The following NRXN3 variants were observed in gnomAD, a reference collection of about 807,000 sequenced individuals.
The protein encoded by NRXN3 is neurexin 3, also known as neurexin III.
Under a neutral mutation model 137.6 loss-of-function variants are expected in NRXN3, and 32 were observed. The observed-to-expected ratio is 0.23, with a 90% CI of 0.18 to 0.31. The LOEUF is 0.31. NRXN3 is among the 10% of genes least tolerant of loss of function. The pLI is 1.00. For synonymous variants in NRXN3, 798 were observed against 784.5 expected, an observed-to-expected ratio of 1.02 and a Z score of -0.29; for missense variants, 1,574 against 2,062.5, an observed-to-expected ratio of 0.76 and a Z score of 4.59.
At chr14:78,484,533 G>C (rs974128044) in intron 4 of NRXN3, among the ~76,000 whole-genome samples, 6 of 152,086 alleles carry the variant, frequency 3.9e-5, no homozygotes, top group African/African-American at 1.2e-4. Flanking sequence ...CTGGGGGAGA[G>C]GGGGCCTAGA....
chr14:78,613,000 G>A lies in NRXN3; in HGVS notation c.758-32120G>A, dbSNP rs149090142. Among the ~76,000 whole-genome samples the A allele has an allele frequency of 4.0e-3, 614 of 152,270 alleles. 3 individuals are homozygous for A. Among genetic ancestry groups the A allele is most frequent in the Middle Eastern group, 0.031 (9 of 292 alleles). ...CTTAGTGTCATATCACATAATCATG[G>A]AATGTTAGAACTGGCAGGAACCAGA... On this transcript the variant is annotated intron_variant, in intron 4 of 20. Transcript: ENST00000335750.
intron 15 of NRXN3, among the ~76,000 whole-genome samples, chr14:79,007,805 C>CAAAAAAA (rs1160867331): frequency 2.6e-5 from 1 of 38,004 alleles, no homozygotes; most frequent in African/African-American, 7.8e-5. Context: ...GACTCCATCT[C>CAAAAAAA]AAAAAAAAAA....
chr14:79,688,174 G>A (rs755092047), intron 17 of NRXN3, among the ~76,000 whole-genome samples: 62 of 152,232 alleles, frequency 4.1e-4, no homozygotes, highest in Middle Eastern at 3.4e-3. Flanking sequence ...CACTAGAAAA[G>A]AGTCGAGTCA....
At chr14:78,729,663 C>T (rs2098505126) in intron 8 of NRXN3, among the ~76,000 whole-genome samples, 1 of 152,182 alleles carries the variant, frequency 6.6e-6, no homozygotes, top group Admixed American at 6.5e-5. Context: ...TACCCTAACT[C>T]ATACCTGCAT....
Position 78,709,612 on chromosome 14 carries a change from T to C in NRXN3, c.1617T>C (p.Asp539=), listed in dbSNP as rs374751540. The C allele has an allele frequency of 1.6e-5, 26 of 1,613,586 alleles. No homozygotes were observed. Among genetic ancestry groups the C allele is most frequent in the Non-Finnish European group, 1.9e-5 (23 of 1,179,988 alleles). The change falls in exon 7 of 21, where the codon GAT becomes GAC. Residue 539 remains aspartate, a synonymous_variant. Coordinates refer to ENST00000335750, the MANE Select transcript of NRXN3 (RefSeq NM_001330195.2). ...AAGCCACTCAGAAGAAAGCCAATGA[T>C]GGGGAATGGTACCATGTGGACATTC... The part of the protein sequence containing the change: ...KVKATQKKAN[D]GEWYHVDIQR...
At chr14:79,326,405 A>G (rs1183598481) in intron 15 of NRXN3, among the ~76,000 whole-genome samples, 1 of 152,154 alleles carries the variant, frequency 6.6e-6, no homozygotes, top group South Asian at 2.1e-4. Flanking sequence ...TATCTCCATT[A>G]TATAGTAAAG....
intron 15 of NRXN3, among the ~76,000 whole-genome samples, chr14:79,084,266 T>G (rs1266994056): frequency 2.0e-5 from 3 of 152,070 alleles, no homozygotes. Context: ...CTAATTGTGG[T>G]GATGGTTACA....
intron 4 of NRXN3, among the ~76,000 whole-genome samples, chr14:78,594,633 T>A (rs541858246): frequency 2.6e-4 from 39 of 152,316 alleles, no homozygotes; most frequent in African/African-American, 9.1e-4. Context: ...GGGCCAGAAG[T>A]CCACACTCAA....
chr14:78,614,965 T>C (rs1601395222), intron 4 of NRXN3: 2 of 456,512 alleles, frequency 4.4e-6, no homozygotes, highest in Non-Finnish European at 8.8e-6. Context: ...CGTGGGATGG[T>C]GTTAGGCCCG....
intron 15 of NRXN3, among the ~76,000 whole-genome samples, chr14:79,018,273 AAAAAAAAAAAAAAAAAAAAAAAAGAG>A (rs2099582845): frequency 7.9e-6 from 1 of 126,684 alleles, no homozygotes; most frequent in Non-Finnish European, 1.6e-5. Context: ...AAAAAAAAAA[AAAAAAAAAAAAAAAAAAAAAAAAGAG>A]AGAGAGCAAG....
intron 16 of NRXN3, among the ~76,000 whole-genome samples, chr14:79,542,891 GAAAAA>G (rs5809941): frequency 8.8e-5 from 13 of 148,382 alleles, no homozygotes; most frequent in South Asian, 4.3e-4. Context: ...GGTGTGGCAA[GAAAAA>G]AAAAAAGTAA....
chr14:79,628,018 T>TA (rs558856770), intron 16 of NRXN3, among the ~76,000 whole-genome samples: 1 of 151,954 alleles, frequency 6.6e-6, no homozygotes, highest in Admixed American at 6.6e-5. Context: ...AAGATTAAAA[T>TA]AAAAAAAGGT....
chr14:79,018,384 G>A (rs1418929407), intron 15 of NRXN3, among the ~76,000 whole-genome samples: 1 of 151,396 alleles, frequency 6.6e-6, no homozygotes, highest in African/African-American at 2.4e-5. Flanking sequence ...GGAAAACTGG[G>A]TTTTTCTCTG....
At position 78,642,913 on chromosome 14, in the gene NRXN3, G is replaced by C. The variant is rs1213651363; in HGVS notation, c.758-2207G>C. Among the ~76,000 whole-genome samples the C allele has an allele frequency of 3.9e-5, 6 of 152,186 alleles. 1 individual carries two copies. In the South Asian group the frequency reaches 1.2e-3, roughly 32 times the overall value. On this transcript the variant is annotated intron_variant, in intron 4 of 20. Transcript: ENST00000335750. The stretch of plus-strand genomic sequence containing the variant: ...AGTTATGGGCTAACTACTTATACAT[G>C]TGCAAGCTACCCTGTGAGCATTTAT...
chr14:79,682,124 T>C (rs1344744277), intron 17 of NRXN3, among the ~76,000 whole-genome samples: 1 of 152,208 alleles, frequency 6.6e-6, no homozygotes, highest in Non-Finnish European at 1.5e-5. Flanking sequence ...TCTATCAGTG[T>C]TATTTGTAAA....
At chr14:78,912,836 T>G (rs2099242981) in intron 10 of NRXN3, among the ~76,000 whole-genome samples, 1 of 152,168 alleles carries the variant, frequency 6.6e-6, no homozygotes. Context: ...TTCTGGAAAT[T>G]AAGGACCTAA....
chr14:78,460,026 T>C (rs1032146736), intron 4 of NRXN3, among the ~76,000 whole-genome samples: 1 of 152,242 alleles, frequency 6.6e-6, no homozygotes, highest in African/African-American at 2.4e-5. Context: ...CTCCCCAGAT[T>C]TGATTGATTT....
intron 16 of NRXN3, among the ~76,000 whole-genome samples, chr14:79,602,225 G>T (rs1196786535): frequency 6.6e-6 from 1 of 152,154 alleles, no homozygotes; most frequent in African/African-American, 2.4e-5. Context: ...CAATTTCATA[G>T]CAACCATGTG....
chr14:79,275,035 C>T (rs17512676), intron 15 of NRXN3, among the ~76,000 whole-genome samples: 7,947 of 151,978 alleles, frequency 0.052, 276 homozygotes, highest in Non-Finnish European at 0.077. Context: ...AATCAAAATC[C>T]GCTTTTATGT....
Sources: allele counts gnomAD v4.1 joint callset (sites outside exome capture counted in the v4.1 genomes callset), GRCh38; gene constraint gnomAD v4.1.1; transcripts MANE v1.5; gene names NCBI Gene and HGNC (gene_info 2026-07-23, HGNC 2026-07-21).